XYLT1: variants seen among roughly 807,000 people sequenced by gnomAD.
XYLT1 encodes the protein xylosyltransferase 1.
In XYLT1, 36 loss-of-function variants were observed where a neutral mutation model predicts 91.3. The observed-to-expected ratio is 0.39, with a 90% CI of 0.30 to 0.52. The LOEUF (loss-of-function observed/expected upper bound fraction) is 0.52. Ranked by LOEUF, XYLT1 falls within the 20% of genes least tolerant of loss-of-function variation. The pLI, the probability that XYLT1 is intolerant of heterozygous loss-of-function variation, is 0.68. For missense variants in XYLT1, 1,242 were observed against 1,284.5 expected (o/e 0.97, Z 0.51); for synonymous variants, 588 against 532.0 (o/e 1.11, Z -1.45).
At position 17,108,972 on chromosome 16, in the gene XYLT1, A is replaced by G. The variant is rs767728751; in HGVS notation, c.2603T>C (p.Met868Thr). 3.2e-6 allele frequency: 5 copies of G among 1,566,286 alleles called. No individual in the cohort carries two copies. Among genetic ancestry groups the G allele is most frequent in the Non-Finnish European group, 3.5e-6 (4 of 1,148,022 alleles). ...LHNGPLRNAY[M>T]EQSFQSLNPV... Reference sequence around the variant, plus strand: ...GTTTAGGCTCTGGAAGCTCTGCTCCATGTAGGCATTGCGGAGGGGCCCATT... The same window carrying G: ...GTTTAGGCTCTGGAAGCTCTGCTCCGTGTAGGCATTGCGGAGGGGCCCATT... The change falls in exon 12 of 12, where the codon ATG (methionine) becomes ACG (threonine). Residue 868 changes from methionine to threonine, a missense_variant. Around this residue, in one of 3 missense-constraint regions of XYLT1, gnomAD observed 511 missense variants for 497.0 expected, o/e 1.03. Transcript: ENST00000261381.
intron 2 of XYLT1, among the ~76,000 whole-genome samples, chr16:17,277,877 G>A (rs1181812074): frequency 1.3e-5 from 2 of 152,164 alleles, no homozygotes; most frequent in Non-Finnish European, 2.9e-5. Context: ...CCCAGATGTG[G>A]GAACTGAGGC....
chr16:17,204,966 C>CAAAAA (rs530525798), intron 3 of XYLT1, among the ~76,000 whole-genome samples: 1 of 81,286 alleles, frequency 1.2e-5, no homozygotes, highest in African/African-American at 4.5e-5. Flanking sequence ...TGCCCAGCTC[C>CAAAAA]AAAAAAAAAA....
chr16:17,344,298 C>A (rs4781998), intron 2 of XYLT1, among the ~76,000 whole-genome samples: 37,219 of 147,832 alleles, frequency 0.25, 5,922 homozygotes, highest in African/African-American at 0.43. Flanking sequence ...CTGGCTAACA[C>A]GGTGAAACCC....
At chr16:17,348,955 C>T (rs1294704864) in intron 2 of XYLT1, among the ~76,000 whole-genome samples, 1 of 152,220 alleles carries the variant, frequency 6.6e-6, no homozygotes, top group Non-Finnish European at 1.5e-5. Flanking sequence ...GCCTCCGGCT[C>T]GTAAGTCAAT....
intron 2 of XYLT1, among the ~76,000 whole-genome samples, chr16:17,284,007 G>A (rs1387422711): frequency 6.6e-6 from 1 of 152,182 alleles, no homozygotes; most frequent in African/African-American, 2.4e-5. Context: ...GGTCCTCACA[G>A]TTCCAGCTCA....
chr16:17,207,057 T>C (rs1029534544), intron 3 of XYLT1, among the ~76,000 whole-genome samples: 127 of 146,418 alleles, frequency 8.7e-4, no homozygotes, highest in Middle Eastern at 3.4e-3. Context: ...TCTTTCTTTT[T>C]TTTTTTTTTT....
intron 3 of XYLT1, among the ~76,000 whole-genome samples, chr16:17,203,137 C>T (rs2032573779): frequency 6.6e-6 from 1 of 152,174 alleles, no homozygotes; most frequent in Admixed American, 6.5e-5. Context: ...ACCACTAATA[C>T]ACACCATATG....
chr16:17,303,994 T>G (rs914330276), intron 2 of XYLT1, among the ~76,000 whole-genome samples: 1 of 150,806 alleles, frequency 6.6e-6, no homozygotes, highest in Non-Finnish European at 1.5e-5. Flanking sequence ...TGTATATACA[T>G]GTGCGTGTGT....
intron 1 of XYLT1, among the ~76,000 whole-genome samples, chr16:17,452,385 G>A (rs373338009): frequency 3.6e-4 from 55 of 150,944 alleles, no homozygotes; most frequent in African/African-American, 1.3e-3. Context: ...AACTTTGAGA[G>A]GCCAAGGCAG....
At chr16:17,308,021 G>A (rs1431983731) in intron 2 of XYLT1, among the ~76,000 whole-genome samples, 1 of 152,194 alleles carries the variant, frequency 6.6e-6, no homozygotes, top group Admixed American at 6.5e-5. Context: ...GATCTGCAGT[G>A]TATGCTGGTG....
At chr16:17,442,855 C>T (rs1474826291) in intron 1 of XYLT1, among the ~76,000 whole-genome samples, 1 of 152,084 alleles carries the variant, frequency 6.6e-6, no homozygotes, top group Non-Finnish European at 1.5e-5. Context: ...TCCTCCAAAA[C>T]TAAACTGAGA....
At chr16:17,453,389 T>C (rs976584876) in intron 1 of XYLT1, among the ~76,000 whole-genome samples, 1 of 152,180 alleles carries the variant, frequency 6.6e-6, no homozygotes, top group African/African-American at 2.4e-5. Context: ...TTAAGTCATT[T>C]TTCAGCCAGC....
intron 1 of XYLT1, among the ~76,000 whole-genome samples, chr16:17,401,374 A>T (rs2035967383): frequency 6.6e-6 from 1 of 152,178 alleles, no homozygotes; most frequent in South Asian, 2.1e-4. Flanking sequence ...ATTTATACAG[A>T]GAGATATACT....
intron 10 of XYLT1, among the ~76,000 whole-genome samples, chr16:17,121,635 C>T (rs1477737650): frequency 1.3e-5 from 2 of 152,090 alleles, no homozygotes; most frequent in Non-Finnish European, 2.9e-5. Flanking sequence ...TGTTTGCTTA[C>T]ATGAATAAGT....
intron 5 of XYLT1, among the ~76,000 whole-genome samples, chr16:17,170,997 G>GA (rs1395131220): frequency 6.6e-6 from 1 of 152,080 alleles, no homozygotes; most frequent in Non-Finnish European, 1.5e-5. Flanking sequence ...TTATAGAGTT[G>GA]AAGATGTAAT....
At chr16:17,225,156 C>CAT (rs2033039442) in intron 3 of XYLT1, among the ~76,000 whole-genome samples, 1 of 88,778 alleles carries the variant, frequency 1.1e-5, no homozygotes, top group Non-Finnish European at 1.9e-5. Flanking sequence ...TTATTTTACA[C>CAT]ACACACACAC....
At chr16:17,168,599 CT>C (rs113643928) in intron 5 of XYLT1, among the ~76,000 whole-genome samples, 29 of 150,124 alleles carry the variant, frequency 1.9e-4, no homozygotes, top group African/African-American at 4.9e-4. Flanking sequence ...TAAAAGGTGA[CT>C]TTTTTTTTTA....
At chr16:17,359,445 T>C (rs1349174195) in intron 1 of XYLT1, among the ~76,000 whole-genome samples, 2 of 152,210 alleles carry the variant, frequency 1.3e-5, no homozygotes, top group Non-Finnish European at 2.9e-5. Flanking sequence ...TGATGCCCAA[T>C]TCTGAGGAGT....
chr16:17,243,815 G>A (rs1480240926), intron 3 of XYLT1, among the ~76,000 whole-genome samples: 1 of 152,082 alleles, frequency 6.6e-6, no homozygotes, highest in Non-Finnish European at 1.5e-5. Flanking sequence ...GGGGTGAGGG[G>A]GAGGCTTTTC....
Sources: allele counts gnomAD v4.1 joint callset (sites outside exome capture counted in the v4.1 genomes callset), GRCh38; gene constraint gnomAD v4.1.1; regional missense constraint gnomAD v4.1.1; transcripts MANE v1.5; gene names NCBI Gene and HGNC (gene_info 2026-07-23, HGNC 2026-07-21).